PTER: variants seen among roughly 807,000 people sequenced by gnomAD.
PTER encodes phosphotriesterase related.
A neutral mutation model predicts 29.6 loss-of-function variants in PTER; 38 were observed. That is an observed-to-expected ratio of 1.28 (90% confidence interval 0.99 to 1.68). PTER has a LOEUF of 1.68. Ranked by LOEUF, PTER falls within the 40% of genes most tolerant of loss-of-function variation. PTER has a pLI of 0.00. For synonymous variants in PTER, 172 were observed against 154.5 expected (o/e 1.11, Z -0.84); for missense variants, 482 against 427.8 (o/e 1.13, Z -1.12).
At position 16,513,632 on chromosome 10, in the gene PTER, G is replaced by C. The variant is rs1300753689; in HGVS notation, c.*2376G>C. On this transcript the variant is annotated 3_prime_UTR_variant, in exon 5 of 5. Transcript: ENST00000535784. ...TGTCCCCTTGGTGACGTATGCAGCA[G>C]CTCAAATTAAACCTTTGTGCATTGG... 1 of 152,536 alleles carries C rather than the reference G, an allele frequency of 6.6e-6. No homozygotes were observed. The highest frequency in any genetic ancestry group is 6.6e-5 in the Admixed American group (1 of 15,266). 9.4% of individuals were successfully genotyped at this position (152,536 alleles called of 1,614,324 possible).
At chr10:16,478,548 A>G (rs1288095934) in intron 1 of PTER, among the ~76,000 whole-genome samples, 1 of 151,940 alleles carries the variant, frequency 6.6e-6, no homozygotes. Flanking sequence ...TGGCCAGGCT[A>G]GTCTCGAACA....
intron 1 of PTER, among the ~76,000 whole-genome samples, chr10:16,474,194 A>G (rs1308134920): frequency 1.3e-5 from 2 of 152,214 alleles, no homozygotes; most frequent in Non-Finnish European, 2.9e-5. Flanking sequence ...AATGGTATCA[A>G]GACAAGTGCT....
intron 1 of PTER, among the ~76,000 whole-genome samples, chr10:16,451,806 A>G (rs772627071): frequency 3.3e-5 from 5 of 152,214 alleles, no homozygotes; most frequent in Non-Finnish European, 5.9e-5. Context: ...GAGGGTTATT[A>G]CCCCCCAGAA....
intron 1 of PTER, among the ~76,000 whole-genome samples, chr10:16,446,080 A>G (rs904588632): frequency 3.9e-5 from 6 of 152,208 alleles, no homozygotes; most frequent in African/African-American, 9.6e-5. Context: ...AGCTCAGTGC[A>G]TAAGTGGTAA....
chr10:16,505,113 A>T lies in PTER; in HGVS notation c.792A>T (p.Gln264His). The T allele has an allele frequency of 1.9e-6, 3 of 1,613,832 alleles. No homozygotes were observed. Among genetic ancestry groups the T allele is most frequent in the Non-Finnish European group, 2.5e-6 (3 of 1,179,902 alleles). Residue 264 changes from glutamine to histidine, a missense_variant, in exon 4 of 5, where the codon CAA becomes CAT. Gln to His is a conservative substitution (Grantham distance 24). Coordinates refer to ENST00000535784, the MANE Select transcript of PTER (RefSeq NM_001261836.2). The stretch of plus-strand genomic sequence containing the variant: ...TTGGTACTGAACTACTTCATTACCA[A>T]CTCGGCCCAGATATTGACATGCCTG... ...DLFGTELLHY[Q>H]LGPDIDMPDD...
chr10:16,489,774 A>G (rs1382788942), intron 3 of PTER, among the ~76,000 whole-genome samples: 1 of 151,830 alleles, frequency 6.6e-6, no homozygotes, highest in Non-Finnish European at 1.5e-5. Context: ...GAATTTGACT[A>G]CTCTAGGTAC....
intron 1 of PTER, among the ~76,000 whole-genome samples, chr10:16,450,917 A>G (rs1275209486): frequency 1.3e-5 from 2 of 152,190 alleles, no homozygotes; most frequent in Non-Finnish European, 2.9e-5. Context: ...CTCTTTAAAC[A>G]GTTTGCACTA....
In PTER at chr10:16,437,057, C is replaced by G. The variant is rs1448055807; in HGVS notation, c.-49+10C>G. The G allele has an allele frequency of 6.6e-6, 1 of 152,604 alleles. No individual in the cohort carries two copies. The allele number at this position is 152,604 out of a possible 1,614,324, so 9.5% of individuals were successfully genotyped here. On this transcript the variant is annotated intron_variant, in intron 1 of 4. Coordinates refer to ENST00000535784, the MANE Select transcript of PTER (RefSeq NM_001261836.2). ...GCGCGTTGTACCCGAGGTAAGGCTT[C>G]TTGGAGTCAGAGCAGGAGCCGGAAC...
intron 3 of PTER, among the ~76,000 whole-genome samples, chr10:16,503,945 G>A (rs149130333): frequency 6.6e-6 from 1 of 152,150 alleles, no homozygotes; most frequent in Non-Finnish European, 1.5e-5. Flanking sequence ...TCATCTCCAC[G>A]CCAATTTCCG....
intron 1 of PTER, among the ~76,000 whole-genome samples, chr10:16,440,619 A>C (rs1175464383): frequency 1.3e-5 from 2 of 152,166 alleles, no homozygotes; most frequent in African/African-American, 4.8e-5. Context: ...ACGAAACGCA[A>C]GTGGAGTGAC....
chr10:16,455,972 A>G (rs1489009521), intron 1 of PTER, among the ~76,000 whole-genome samples: 1 of 152,136 alleles, frequency 6.6e-6, no homozygotes, highest in African/African-American at 2.4e-5. Flanking sequence ...CGAGCATCTA[A>G]GTAATTCTGA....
rs11254027 is a variant in PTER at position 16,493,934 on chromosome 10, C to T, written c.698+7317C>T. ...ACCTGCCTTCCTGGTGAAAGGGAAA[C>T]GCTGGCCATGTGCTCTATCCAGTAC... On this transcript the variant is annotated intron_variant, in intron 3 of 4. Transcript: ENST00000535784. Among the ~76,000 whole-genome samples, 480 of 152,252 alleles carry T rather than the reference C, an allele frequency of 3.2e-3. 16 individuals carry two copies. In the East Asian group the frequency reaches 0.059, roughly 19 times the overall value.
At chr10:16,492,030 G>A (rs1244485024) in intron 3 of PTER, among the ~76,000 whole-genome samples, 3 of 152,124 alleles carry the variant, frequency 2.0e-5, no homozygotes, top group African/African-American at 7.2e-5. Context: ...ACCCTGAGAG[G>A]GAAGAGTTAA....
At chr10:16,516,903 C>T (rs1362456142), downstream of PTER, among the ~76,000 whole-genome samples, 1 of 152,190 alleles carries the variant, frequency 6.6e-6, no homozygotes, top group Non-Finnish European at 1.5e-5. Flanking sequence ...TTAACCTATA[C>T]TGTACCGTAA....
intron 1 of PTER, among the ~76,000 whole-genome samples, chr10:16,451,806 AC>A (rs371688390): frequency 2.0e-5 from 3 of 152,096 alleles, no homozygotes; most frequent in African/African-American, 7.2e-5. Context: ...GAGGGTTATT[AC>A]CCCCCAGAAA....
At chr10:16,460,748 C>A (rs1274636299) in intron 1 of PTER, among the ~76,000 whole-genome samples, 1 of 151,328 alleles carries the variant, frequency 6.6e-6, no homozygotes, top group Non-Finnish European at 1.5e-5. Context: ...AAATTACAGT[C>A]TTTTTTTTTA....
At chr10:16,465,143 A>G (rs1834761640) in intron 1 of PTER, among the ~76,000 whole-genome samples, 1 of 152,148 alleles carries the variant, frequency 6.6e-6, no homozygotes, top group Non-Finnish European at 1.5e-5. Flanking sequence ...GGACACAGCC[A>G]AACCATATCA....
chr10:16,455,456 C>G (rs549586311), intron 1 of PTER, among the ~76,000 whole-genome samples: 3 of 151,396 alleles, frequency 2.0e-5, no homozygotes, highest in Admixed American at 1.3e-4. Context: ...TTTGGGAGAC[C>G]GAGTCAGGAG....
At chr10:16,514,467 T>TGGATC, downstream of PTER, 1 of 1,447,546 alleles carries the variant, frequency 6.9e-7, no homozygotes, top group Non-Finnish European at 9.5e-7. Flanking sequence ...CTTGATTCAC[T>TGGATC]GACGTTAGCC....
Sources: allele counts gnomAD v4.1 joint callset (sites outside exome capture counted in the v4.1 genomes callset), GRCh38; gene constraint gnomAD v4.1.1; transcripts MANE v1.5; gene names NCBI Gene and HGNC (gene_info 2026-07-23, HGNC 2026-07-21).